Variants in MGAT5 observed in about 807,000 individuals in gnomAD.
MGAT5 encodes alpha-1,6-mannosylglycoprotein 6-beta-N-acetylglucosaminyltransferase A.
Under a neutral mutation model 94.3 loss-of-function variants are expected in MGAT5, and 30 were observed. That is an observed-to-expected ratio of 0.32 (90% CI 0.24 to 0.43). MGAT5 has a LOEUF of 0.43. MGAT5 is among the 20% of genes least tolerant of loss of function. MGAT5 has a pLI of 1.00. For missense variants in MGAT5, 691 were observed against 905.5 expected, an observed-to-expected ratio of 0.76 and a Z score of 3.04; for synonymous variants, 310 against 322.9, an observed-to-expected ratio of 0.96 and a Z score of 0.43.
chr2:134,168,169 G>A (rs1011468521), intron 1 of MGAT5, among the ~76,000 whole-genome samples: 6 of 152,134 alleles, frequency 3.9e-5, no homozygotes, highest in African/African-American at 1.4e-4. Context: ...TGTGGAAGGC[G>A]CACTGACCCT....
chr2:134,335,092 A>C (rs1401992672), intron 4 of MGAT5, among the ~76,000 whole-genome samples: 1 of 152,130 alleles, frequency 6.6e-6, no homozygotes, highest in Non-Finnish European at 1.5e-5. Context: ...GGTTATAGTA[A>C]AGATCACCTT....
chr2:134,328,528 C>G (rs747047108), intron 4 of MGAT5, among the ~76,000 whole-genome samples: 6 of 152,042 alleles, frequency 3.9e-5, no homozygotes, highest in Non-Finnish European at 8.8e-5. Context: ...AAAATGAGAA[C>G]AGTAAAGCGC....
At chr2:134,167,784 T>G (rs915273617) in intron 1 of MGAT5, among the ~76,000 whole-genome samples, 1 of 152,238 alleles carries the variant, frequency 6.6e-6, no homozygotes, top group African/African-American at 2.4e-5. Context: ...CCAGCATGGT[T>G]TCATCATGTC....
At chr2:134,145,212 C>CTGTGTGTGTGTGTGTGTGTGTG (rs1350453588) in intron 1 of MGAT5, among the ~76,000 whole-genome samples, 121 of 113,768 alleles carry the variant, frequency 1.1e-3, no homozygotes, top group African/African-American at 4.6e-3. Flanking sequence ...GTGTCTCTCT[C>CTGTGTGTGTGTGTGTGTGTGTG]TCTGTGTGTG....
intron 2 of MGAT5, among the ~76,000 whole-genome samples, chr2:134,313,957 A>T (rs955135690): frequency 4.6e-5 from 7 of 152,182 alleles, no homozygotes; most frequent in Admixed American, 4.6e-4. Context: ...CTTAAATGAG[A>T]GACATTTCCA....
intron 1 of MGAT5, among the ~76,000 whole-genome samples, chr2:134,191,067 CTG>C (rs986261480): frequency 2.0e-5 from 3 of 152,218 alleles, no homozygotes; most frequent in African/African-American, 7.2e-5. Context: ...CAAGCCGAAA[CTG>C]TGTCCCTCCC....
chr2:134,325,792 C>A (rs762354490), intron 4 of MGAT5, among the ~76,000 whole-genome samples: 2 of 152,044 alleles, frequency 1.3e-5, no homozygotes, highest in Non-Finnish European at 2.9e-5. Flanking sequence ...CCGTCTCTTA[C>A]TTTTCCTCCT....
intron 13 of MGAT5, among the ~76,000 whole-genome samples, chr2:134,423,934 C>T (rs1426642989): frequency 1.3e-5 from 2 of 152,122 alleles, no homozygotes; most frequent in Admixed American, 6.5e-5. Context: ...TCTGTATTTC[C>T]GGTGCCCACG....
At chr2:134,192,415 C>G (rs1292988428) in intron 1 of MGAT5, among the ~76,000 whole-genome samples, 1 of 152,168 alleles carries the variant, frequency 6.6e-6, no homozygotes, top group African/African-American at 2.4e-5. Context: ...CTCAGGTATT[C>G]TGTCATAGCA....
intron 2 of MGAT5, among the ~76,000 whole-genome samples, chr2:134,294,925 A>G (rs915715708): frequency 6.6e-6 from 1 of 152,200 alleles, no homozygotes; most frequent in African/African-American, 2.4e-5. Flanking sequence ...ACAGAATGTG[A>G]GGTCCTGTTC....
chr2:134,202,742 G>A (rs925742458), intron 1 of MGAT5, among the ~76,000 whole-genome samples: 2 of 152,108 alleles, frequency 1.3e-5, no homozygotes, highest in Non-Finnish European at 2.9e-5. Flanking sequence ...AATCCTATAC[G>A]GCCAATTGTC....
chr2:134,440,786 TC>T (rs1298982718), intron 14 of MGAT5, among the ~76,000 whole-genome samples: 2 of 152,154 alleles, frequency 1.3e-5, no homozygotes, highest in African/African-American at 4.8e-5. Context: ...AGGAGGCACT[TC>T]TTACGATTTT....
chr2:134,387,332 A>ATTTTTTTTT (rs35936767), intron 10 of MGAT5, among the ~76,000 whole-genome samples: 7 of 24,262 alleles, frequency 2.9e-4, no homozygotes, highest in East Asian at 5.3e-3. Context: ...ATATATATAT[A>ATTTTTTTTT]TTTTTTTTTT....
chr2:134,414,208 T>A (rs1683836390), intron 12 of MGAT5, among the ~76,000 whole-genome samples: 1 of 151,716 alleles, frequency 6.6e-6, no homozygotes, highest in Admixed American at 6.6e-5. Flanking sequence ...GAATTCTTCA[T>A]TTGGGGAGTG....
intron 2 of MGAT5, 23 bp downstream of exon 2, chr2:134,270,573 C>G: frequency 6.2e-7 from 1 of 1,612,654 alleles, no homozygotes; most frequent in South Asian, 1.1e-5. Flanking sequence ...ATTCTCTGCC[C>G]TGATATGGAG....
chr2:134,381,364 T>TAGATAGATAGATAGATAGATAGATAGATA (rs150819045), intron 10 of MGAT5, among the ~76,000 whole-genome samples: 1,595 of 94,442 alleles, frequency 0.017, 64 homozygotes, highest in Middle Eastern at 0.095. Context: ...GATAGATAGA[T>TAGATAGATAGATAGATAGATAGATAGATA]AGATAAGATA....
At chr2:134,198,593 T>C (rs1318199749) in intron 1 of MGAT5, among the ~76,000 whole-genome samples, 1 of 152,162 alleles carries the variant, frequency 6.6e-6, no homozygotes, top group Non-Finnish European at 1.5e-5. Flanking sequence ...ACTCTGTCCA[T>C]GTTCCTTATG....
intron 1 of MGAT5, among the ~76,000 whole-genome samples, chr2:134,221,776 A>G (rs1201955611): frequency 2.0e-5 from 3 of 152,238 alleles, no homozygotes; most frequent in Non-Finnish European, 4.4e-5. Flanking sequence ...CCCAGGGACA[A>G]ACGCAGAAAA....
chr2:134,235,668 C>T (rs1444509113), intron 1 of MGAT5, among the ~76,000 whole-genome samples: 3 of 151,938 alleles, frequency 2.0e-5, no homozygotes, highest in Admixed American at 1.3e-4. Flanking sequence ...AATAAACTCT[C>T]CCCACCCCAG....
Sources: allele counts gnomAD v4.1 joint callset (sites outside exome capture counted in the v4.1 genomes callset), GRCh38; gene constraint gnomAD v4.1.1; transcripts MANE v1.5; gene names NCBI Gene and HGNC (gene_info 2026-07-23, HGNC 2026-07-21).